Variants in HERC2 observed in about 807,000 individuals in gnomAD.
The protein encoded by HERC2 is HECT and RLD domain containing E3 ubiquitin protein ligase 2, also known as E3 ubiquitin-protein ligase HERC2.
HERC2 carries 102 observed loss-of-function variants against 537.7 expected under a neutral mutation model. That is an observed-to-expected ratio of 0.19 (90% CI 0.16 to 0.22). HERC2 has a LOEUF of 0.22. Ranked by LOEUF, HERC2 falls within the 10% of genes least tolerant of loss-of-function variation. The probability of loss-of-function intolerance (pLI) is 1.00; values close to 1 mark genes in which losing one functional copy is unlikely to be tolerated. For synonymous variants in HERC2, 2,224 were observed against 2,466.2 expected, an observed-to-expected ratio of 0.90 and a Z score of 2.91; for missense variants, 4,236 against 6,198.2, an observed-to-expected ratio of 0.68 and a Z score of 10.63.
chr15:28,282,365 T>C (rs764635917), intron 4 of HERC2, among the ~76,000 whole-genome samples: 2 of 152,096 alleles, frequency 1.3e-5, no homozygotes, highest in Non-Finnish European at 2.9e-5. Flanking sequence ...ATGAAAGATG[T>C]TGGAATAATG....
At chr15:28,125,724 G>A (rs1195426961) in intron 83 of HERC2, among the ~76,000 whole-genome samples, 1 of 152,018 alleles carries the variant, frequency 6.6e-6, no homozygotes, top group Non-Finnish European at 1.5e-5. Flanking sequence ...GCCCAGGCTG[G>A]AGTAAACTGG....
chr15:28,305,537 T>C (rs2076762227), intron 2 of HERC2, among the ~76,000 whole-genome samples: 1 of 113,478 alleles, frequency 8.8e-6, no homozygotes, highest in Non-Finnish European at 1.9e-5. Context: ...TCAAGATGGA[T>C]TAAAGATTTA....
In HERC2 at chr15:28,214,269, G is replaced by T. The variant is rs766264159; in HGVS notation, c.6362C>A (p.Ser2121Tyr). 30 of 1,610,490 alleles carry T rather than the reference G, an allele frequency of 1.9e-5. No homozygotes were observed. The South Asian group carries it at 3.2e-4, about 17-fold the overall frequency. ...CSSDVPLLRE[S>Y]TLRRRRVRPQ... ...GCGCACCCTGCGCCGCCTCAGCGTG[G>T]ACTCTGAGGAGGAAACCAGGGGAGA... is the stretch of plus-strand genomic sequence containing the variant. Residue 2121 changes from serine to tyrosine, a missense_variant, in exon 41 of 93, where the codon TCC becomes TAC. By Grantham distance (144) the Ser-to-Tyr change is moderately radical (BLOSUM62 -2). Transcript: ENST00000261609.
intron 39 of HERC2, 54 bp from the exon 40 acceptor site, chr15:28,214,856 C>T (rs1899712126): frequency 2.7e-5 from 38 of 1,406,396 alleles, no homozygotes; most frequent in Non-Finnish European, 3.8e-5. Flanking sequence ...GATGAGGAAA[C>T]TACAGATTGT....
chr15:28,239,173 A>G (rs1902780624), intron 23 of HERC2, among the ~76,000 whole-genome samples: 1 of 152,082 alleles, frequency 6.6e-6, no homozygotes, highest in Non-Finnish European at 1.5e-5. Context: ...AAATTCTAAG[A>G]AAAAAATGAC....
At chr15:28,274,526 T>C in intron 6 of HERC2, 79 bp from the exon 7 acceptor site, 1 of 1,435,044 alleles carries the variant, frequency 7.0e-7, no homozygotes, top group East Asian at 2.5e-5. Flanking sequence ...CAGCGAGAGA[T>C]GACGCCACTG....
intron 16 of HERC2, among the ~76,000 whole-genome samples, chr15:28,258,681 C>A (rs2075334452): frequency 6.6e-6 from 1 of 151,680 alleles, no homozygotes; most frequent in Non-Finnish European, 1.5e-5. Flanking sequence ...CCTTAAGAAA[C>A]TAGAAAAAGA....
intron 71 of HERC2, 145 bp downstream of exon 71, chr15:28,146,092 T>C (rs1891702308): frequency 3.2e-6 from 2 of 627,026 alleles, no homozygotes; most frequent in Admixed American, 2.9e-5. Context: ...AAACCCACTG[T>C]GTTTCACAGC....
intron 55 of HERC2, chr15:28,190,280 G>C (rs1444776506): frequency 6.6e-6 from 1 of 150,788 alleles, no homozygotes. Flanking sequence ...CAGCCTCCCA[G>C]AGTGCTGGGA....
intron 73 of HERC2, 39 bp from the exon 74 acceptor site, chr15:28,144,030 T>C: frequency 6.2e-7 from 1 of 1,614,102 alleles, no homozygotes. Flanking sequence ...AGTCTGATGG[T>C]TTCTTCCAAG....
intron 45 of HERC2, among the ~76,000 whole-genome samples, chr15:28,204,273 T>C (rs1898171875): frequency 6.6e-6 from 1 of 152,128 alleles, no homozygotes; most frequent in African/African-American, 2.4e-5. Context: ...ATGTTAGAAT[T>C]AGCAAACAAG....
chr15:28,149,054 C>A (rs1032755784), intron 70 of HERC2, among the ~76,000 whole-genome samples: 1 of 150,696 alleles, frequency 6.6e-6, no homozygotes, highest in Non-Finnish European at 1.5e-5. Context: ...GTAAAATTAC[C>A]GAAAAAACAA....
chr15:28,197,391 T>C lies in HERC2; in HGVS notation c.8012-822A>G, dbSNP rs1897447579. On this transcript the variant is annotated intron_variant, in intron 50 of 92. Transcript: ENST00000261609. The stretch of plus-strand genomic sequence containing the variant: ...ATCATATTAAATATAATCTGAGAAT[T>C]GTTCCCAGTTCCTAATTCCCATCAT... Among the ~76,000 whole-genome samples the C allele has an allele frequency of 3.3e-5, 5 of 152,330 alleles. No homozygotes were observed. In the South Asian group the frequency reaches 1.0e-3, roughly 32 times the overall value.
At chr15:28,132,404 G>A in intron 80 of HERC2, 143 bp from the exon 81 acceptor site, 3 of 880,872 alleles carry the variant, frequency 3.4e-6, no homozygotes, top group Non-Finnish European at 4.9e-6. Context: ...AATCCTATAA[G>A]ACAAAAGAGA....
rs1014129064 is a variant in HERC2 at position 28,315,774 on chromosome 15, G to A, written c.72+5588C>T. On this transcript the variant is annotated intron_variant, in intron 2 of 92. Transcript: ENST00000261609. ...GATGAGGCAGAGGTCCAAGTAAACC[G>A]CTAGCTTGTTGCACTGTGGAGGCCA... is the stretch of plus-strand genomic sequence containing the variant. The A allele has an allele frequency of 3.3e-5, 48 of 1,436,642 alleles. No homozygotes were observed. In the African/African-American group the frequency reaches 4.2e-4, roughly 13 times the overall value. The allele number at this position is 1,436,642 out of a possible 1,614,324, so 89.0% of individuals were successfully genotyped here. A position where few individuals can be genotyped will look rare whatever the true frequency, so the allele number is the denominator to read the frequency against.
intron 65 of HERC2, among the ~76,000 whole-genome samples, chr15:28,173,751 C>G (rs114469338): frequency 0.042 from 5,473 of 130,120 alleles, 332 homozygotes; most frequent in African/African-American, 0.15. Flanking sequence ...TGCAGTGAGC[C>G]AAAATCGTGC....
chr15:28,297,050 G>C (rs558602818), intron 3 of HERC2, among the ~76,000 whole-genome samples: 110 of 152,360 alleles, frequency 7.2e-4, no homozygotes, highest in Non-Finnish European at 1.4e-3. Flanking sequence ...ACTTTGAAGG[G>C]CCTAATGAAT....
chr15:28,191,574 C>T (rs75215902), intron 53 of HERC2, among the ~76,000 whole-genome samples: 2 of 152,278 alleles, frequency 1.3e-5, no homozygotes, highest in East Asian at 3.9e-4. Flanking sequence ...TGTGTGCCCA[C>T]GAGGTGCCTC....
At chr15:28,252,989 T>C (rs2140871911) in intron 20 of HERC2, among the ~76,000 whole-genome samples, 1 of 152,348 alleles carries the variant, frequency 6.6e-6, no homozygotes, top group South Asian at 2.1e-4. Flanking sequence ...GGCTCCCTGC[T>C]CTGTGCTCGG....
Sources: allele counts gnomAD v4.1 joint callset (sites outside exome capture counted in the v4.1 genomes callset), GRCh38; gene constraint gnomAD v4.1.1; transcripts MANE v1.5; gene names NCBI Gene and HGNC (gene_info 2026-07-23, HGNC 2026-07-21).